The following LY75 variants were observed in gnomAD, a reference collection of about 807,000 sequenced individuals.
The protein encoded by LY75 is C-type lectin domain family 13 member B.
A neutral mutation model predicts 231.7 loss-of-function variants in LY75; 185 were observed. The observed-to-expected ratio is 0.80, with a 90% CI of 0.71 to 0.90. LY75 has a LOEUF of 0.90. Ranked by LOEUF, LY75 falls within the 40% of genes least tolerant of loss-of-function variation. The pLI is 0.00. For missense variants in LY75, 1,947 were observed against 2,050.2 expected (o/e 0.95, Z 0.97); for synonymous variants, 668 against 689.0 (o/e 0.97, Z 0.48).
At chr2:159,896,137 G>A (rs1449394856) in intron 2 of LY75, among the ~76,000 whole-genome samples, 3 of 152,166 alleles carry the variant, frequency 2.0e-5, no homozygotes, top group Non-Finnish European at 2.9e-5. Context: ...GAGTTGCCCA[G>A]AATTCTGATA....
intron 15 of LY75, among the ~76,000 whole-genome samples, chr2:159,859,200 G>C (rs548548152): frequency 6.6e-6 from 1 of 152,242 alleles, no homozygotes; most frequent in African/African-American, 2.4e-5. Context: ...AATTCCATAA[G>C]CTTCTCTGAA....
At chr2:159,837,830 G>A (rs995836130) in intron 25 of LY75, among the ~76,000 whole-genome samples, 1 of 152,140 alleles carries the variant, frequency 6.6e-6, no homozygotes, top group Admixed American at 6.5e-5. Flanking sequence ...GACATTCACT[G>A]AGGACTTGGT....
chr2:159,874,834 T>C (rs1685198389), intron 12 of LY75, among the ~76,000 whole-genome samples: 1 of 28,558 alleles, frequency 3.5e-5, no homozygotes, highest in African/African-American at 5.1e-5. Flanking sequence ...ATATATATTT[T>C]GTAAATATAT....
At chr2:159,815,280 C>G (rs892194911) in intron 31 of LY75, 125 bp downstream of exon 31, 70 of 1,232,386 alleles carry the variant, frequency 5.7e-5, no homozygotes, top group Middle Eastern at 5.8e-4. Context: ...GGATTACAGG[C>G]GCGAGCCACT....
In LY75 at chr2:159,810,507, TC is replaced by T. The variant is rs1202458400; in HGVS notation, c.4699+18del. ...TAAAAATTATTGAGTCATAAGAAAA[TC>T]AACAAATTTTAACTCACCATGTTTT... On this transcript the variant is annotated intron_variant, in intron 32 of 34. Coordinates refer to ENST00000263636, the MANE Select transcript of LY75 (RefSeq NM_002349.4). 1.2e-6 allele frequency: 2 copies of T among 1,602,386 alleles called. No homozygotes were observed. The highest frequency in any genetic ancestry group is 1.8e-5 in the Admixed American group (1 of 56,738).
At chr2:159,866,563 T>C (rs1280951940) in intron 13 of LY75, among the ~76,000 whole-genome samples, 3 of 152,188 alleles carry the variant, frequency 2.0e-5, no homozygotes, top group Non-Finnish European at 4.4e-5. Flanking sequence ...TTGCAGTTTA[T>C]GCCTTCAGCT....
At chr2:159,834,999 G>A (rs142852498) in intron 26 of LY75, among the ~76,000 whole-genome samples, 1 of 152,320 alleles carries the variant, frequency 6.6e-6, no homozygotes, top group East Asian at 1.9e-4. Context: ...GATTTACAAA[G>A]TGAAATTTAG....
At chr2:159,849,959 T>C (rs1684331966) in intron 23 of LY75, 21 bp downstream of exon 23, 11 of 1,607,846 alleles carry the variant, frequency 6.8e-6, no homozygotes, top group Non-Finnish European at 9.3e-6. Context: ...ATGAAGAGTA[T>C]TGGTTTTTAA....
intron 23 of LY75, among the ~76,000 whole-genome samples, chr2:159,845,537 A>G (rs756947042): frequency 1.3e-5 from 2 of 151,726 alleles, no homozygotes; most frequent in Non-Finnish European, 2.9e-5. Context: ...GATGGAAAAT[A>G]TTTGAGAAAA....
At chr2:159,857,537 T>C (rs750160018) in intron 16 of LY75, among the ~76,000 whole-genome samples, 1 of 151,894 alleles carries the variant, frequency 6.6e-6, no homozygotes, top group Non-Finnish European at 1.5e-5. Context: ...AGGTCAGGAG[T>C]TCGAGACCAG....
intron 6 of LY75, among the ~76,000 whole-genome samples, chr2:159,883,608 C>T (rs1390195644): frequency 2.0e-5 from 3 of 152,150 alleles, no homozygotes; most frequent in Admixed American, 6.6e-5. Flanking sequence ...TTAGTAAATG[C>T]ATATTATTCA....
chr2:159,886,285 G>GA, intron 5 of LY75, 135 bp downstream of exon 5: 3 of 966,448 alleles, frequency 3.1e-6, no homozygotes, highest in Middle Eastern at 2.6e-4. Flanking sequence ...GGTTTAGGAA[G>GA]AAAAAATTCT....
rs1194033116 is a variant in LY75, at chr2:159,874,238, T to TATATAA, written c.1974+1205_1974+1206insTTATAT. ...AATATATATAAATATATTGTAAATA[T>TATATAA]ATATATTGTAAATATATATATTGTA... On this transcript the variant is annotated intron_variant, in intron 12 of 34. Transcript: ENST00000263636. Among the ~76,000 whole-genome samples the TATATAA allele has an allele frequency of 3.0e-4, 27 of 90,954 alleles. 1 individual carries two copies. The highest frequency in any genetic ancestry group is 4.9e-4 in the Non-Finnish European group (23 of 47,112). The allele number at this position is 90,954 out of a possible 152,430, so 59.7% of individuals were successfully genotyped here.
chr2:159,894,087 G>A lies in LY75; in HGVS notation c.467-3C>T. On this transcript the variant is annotated splice_region_variant and splice_polypyrimidine_tract_variant and intron_variant, in intron 2 of 34. Transcript: ENST00000263636. ...GTTCCCATCTCTGGTATAGATCTCT[G>A]GGTTGGAGAGGAAGTTGGGGAAAAG... 6.3e-7 allele frequency: 1 copy of A among 1,586,526 alleles called. No homozygotes were observed. Among genetic ancestry groups the A allele is most frequent in the Non-Finnish European group, 8.6e-7 (1 of 1,167,724 alleles).
chr2:159,830,861 C>T (rs1053514682), intron 28 of LY75, among the ~76,000 whole-genome samples: 22 of 152,118 alleles, frequency 1.4e-4, no homozygotes, highest in Non-Finnish European at 2.4e-4. Context: ...GGATTACAGG[C>T]GTGGGACGCT....
intron 12 of LY75, among the ~76,000 whole-genome samples, chr2:159,875,077 T>C: frequency 6.7e-6 from 1 of 148,794 alleles, no homozygotes; most frequent in African/African-American, 2.5e-5. Context: ...TAAATATATA[T>C]ACACTTTTTT....
At chr2:159,875,913 T>G (rs1319723657) in intron 11 of LY75, among the ~76,000 whole-genome samples, 1 of 152,202 alleles carries the variant, frequency 6.6e-6, no homozygotes, top group African/African-American at 2.4e-5. Context: ...AGTGACTTGT[T>G]CAAGGTCATA....
chr2:159,850,319 C>A (rs1684344165), intron 22 of LY75, 43 bp downstream of exon 22: 6 of 1,607,344 alleles, frequency 3.7e-6, no homozygotes, highest in Non-Finnish European at 5.1e-6. Context: ...ACTAACCTGG[C>A]CCCAGATCAG....
chr2:159,834,402 C>T (rs938289606), intron 26 of LY75, among the ~76,000 whole-genome samples, 191 bp from the exon 27 acceptor site: 2 of 152,152 alleles, frequency 1.3e-5, no homozygotes, highest in Non-Finnish European at 2.9e-5. Flanking sequence ...AATTACTTGA[C>T]ACAATTTTCT....
Sources: allele counts gnomAD v4.1 joint callset (sites outside exome capture counted in the v4.1 genomes callset), GRCh38; gene constraint gnomAD v4.1.1; transcripts MANE v1.5; gene names NCBI Gene and HGNC (gene_info 2026-07-23, HGNC 2026-07-21).